CASP10: variants seen among roughly 807,000 people sequenced by gnomAD.
The protein encoded by CASP10 is caspase 10.
In CASP10, 41 loss-of-function variants were observed where a neutral mutation model predicts 48.5. The observed-to-expected ratio is 0.85, with a 90% CI of 0.66 to 1.10. CASP10 has a LOEUF of 1.10. Ranked by LOEUF, CASP10 falls within the 50% of genes least tolerant of loss-of-function variation. The pLI, the probability that CASP10 is intolerant of heterozygous loss-of-function variation, is 0.00. For missense variants in CASP10, 614 were observed against 614.5 expected (o/e 1.00, Z 0.01); for synonymous variants, 232 against 238.4 (o/e 0.97, Z 0.25).
At chr2:201,190,011 T>A (rs1240409254) in intron 3 of CASP10, among the ~76,000 whole-genome samples, 1 of 152,000 alleles carries the variant, frequency 6.6e-6, no homozygotes, top group Non-Finnish European at 1.5e-5. Flanking sequence ...AAAAAATAGT[T>A]CAATTGTCCC....
At chr2:201,222,979 G>A (rs1366254721), downstream of CASP10, among the ~76,000 whole-genome samples, 1 of 152,094 alleles carries the variant, frequency 6.6e-6, no homozygotes, top group Non-Finnish European at 1.5e-5. Flanking sequence ...GAATTCTTGG[G>A]CCCTTAGGTG....
At position 201,219,828 on chromosome 2, in the gene CASP10, CATTTATAG is replaced by C; in HGVS notation, c.*2090_*2097del. The C allele has an allele frequency of 2.0e-6, 2 of 983,358 alleles. No homozygotes were observed. The highest frequency in any genetic ancestry group is 2.4e-6 in the Non-Finnish European group (2 of 829,464). 60.9% of individuals were successfully genotyped at this position (983,358 alleles called of 1,614,324 possible). On this transcript the variant is annotated 3_prime_UTR_variant, in exon 10 of 10. Transcript: ENST00000286186. Reference sequence around the variant, plus strand: ...TCCAAAGTCCTGTGGTTAACGCCTTCATTTATAGATGAGGCAGCTGAGGCCTGGGGATG... The same window carrying C: ...TCCAAAGTCCTGTGGTTAACGCCTTCATGAGGCAGCTGAGGCCTGGGGATG...
chr2:201,196,474 T>C (rs1576091571), intron 5 of CASP10, among the ~76,000 whole-genome samples: 1 of 152,248 alleles, frequency 6.6e-6, no homozygotes, highest in Non-Finnish European at 1.5e-5. Flanking sequence ...TCTGAAAGGA[T>C]GGGTGGAAGG....
At chr2:201,194,669 AG>A (rs1486267132) in intron 4 of CASP10, among the ~76,000 whole-genome samples, 2 of 152,250 alleles carry the variant, frequency 1.3e-5, no homozygotes, top group Admixed American at 6.5e-5. Flanking sequence ...AAGTAAACAT[AG>A]GGCAAGTGGT....
Position 201,192,924 on chromosome 2 carries a change from C to A in CASP10, c.442-60C>A, listed in dbSNP as rs934088517. 9 of 1,563,768 alleles carry A rather than the reference C, an allele frequency of 5.8e-6. No individual in the cohort carries two copies. In the Admixed American group the frequency reaches 8.4e-5, roughly 15 times the overall value. ...TAGTGCCTACTGGCCATGCAGATAA[C>A]ATTTGAGTGAGTGGATAATCAATAG... On this transcript the variant is annotated intron_variant, in intron 3 of 9. Transcript: ENST00000286186.
intron 5 of CASP10, among the ~76,000 whole-genome samples, chr2:201,198,621 A>C (rs947182207): frequency 1.4e-5 from 2 of 146,756 alleles, no homozygotes; most frequent in Non-Finnish European, 3.0e-5. Context: ...GCTCACTGCA[A>C]GCTCCGCCTC....
In CASP10 at chr2:201,200,429, T is replaced by G. The variant is rs774954519; in HGVS notation, c.685-3301T>G. The G allele has an allele frequency of 8.8e-6, 14 of 1,598,050 alleles. No homozygotes were observed. The East Asian group carries it at 2.9e-4, about 33-fold the overall frequency. ...AGCATTCTACTGTAAAGAAGGACCC[T>G]CCTTTCTCCCCAGGAAGGTGTTTTT... On this transcript the variant is annotated intron_variant, in intron 5 of 9. Transcript: ENST00000286186.
intron 5 of CASP10, chr2:201,200,811 A>G: frequency 1.0e-6 from 1 of 997,064 alleles, no homozygotes; most frequent in Non-Finnish European, 1.2e-6. Flanking sequence ...TATTTATAAA[A>G]TCTTAAATTG....
At position 201,209,330 on chromosome 2, in the gene CASP10, C is replaced by T; in HGVS notation, c.1183C>T (p.Leu395Phe). Residue 395 changes from leucine to phenylalanine, a missense_variant, in exon 9 of 10, where the codon CTC (leucine) becomes TTC (phenylalanine). Leu to Phe is a conservative substitution (Grantham distance 22). Transcript: ENST00000286186. ...CCCTAGACTGGCTGAAAAACCTAAA[C>T]TCTTTTTCATCCAGGCCTGCCAAGG... The part of the protein sequence containing the change: ...QCPRLAEKPK[L>F]FFIQACQGEE... 6.2e-7 allele frequency: 1 copy of T among 1,614,178 alleles called. No individual in the cohort carries two copies. Among genetic ancestry groups the T allele is most frequent in the East Asian group, 2.2e-5 (1 of 44,870 alleles).
intron 5 of CASP10, chr2:201,200,626 G>A: frequency 6.9e-7 from 1 of 1,457,292 alleles, no homozygotes; most frequent in East Asian, 2.5e-5. Context: ...TCGGCAGGTG[G>A]AGGTATTTAG....
chr2:201,212,811 G>C (rs1327295649), intron 9 of CASP10: 1 of 152,172 alleles, frequency 6.6e-6, no homozygotes, highest in Non-Finnish European at 1.5e-5. Flanking sequence ...GTGATAAATA[G>C]TGCTACTAGA....
At chr2:201,202,141 G>T (rs1055128490) in intron 5 of CASP10, among the ~76,000 whole-genome samples, 1 of 152,170 alleles carries the variant, frequency 6.6e-6, no homozygotes, top group Non-Finnish European at 1.5e-5. Context: ...GTGAGCCACC[G>T]TACCCGGCCA....
At chr2:201,186,159 T>G in intron 2 of CASP10, 35 bp downstream of exon 2, 1 of 1,479,230 alleles carries the variant, frequency 6.8e-7, no homozygotes. Context: ...TGGGAGGATC[T>G]CCCATCTAGT....
chr2:201,194,376 A>G (rs1944716887), intron 4 of CASP10, among the ~76,000 whole-genome samples: 1 of 152,170 alleles, frequency 6.6e-6, no homozygotes, highest in South Asian at 2.1e-4. Flanking sequence ...TGAAAATGAA[A>G]CTAGCTAAGA....
downstream of CASP10, among the ~76,000 whole-genome samples, chr2:201,222,448 C>T (rs1429994896): frequency 6.6e-6 from 1 of 152,160 alleles, no homozygotes; most frequent in South Asian, 2.1e-4. Flanking sequence ...AACTCCTGAC[C>T]TCAAGTGATC....
At chr2:201,223,188 G>C (rs1394038257), downstream of CASP10, among the ~76,000 whole-genome samples, 1 of 152,170 alleles carries the variant, frequency 6.6e-6, no homozygotes, top group Admixed American at 6.5e-5. Context: ...CTTTATCTTG[G>C]ACCTTTTAAT....
rs886055415 is a variant in CASP10 at position 201,219,107 on chromosome 2, T to C, written c.*1366T>C. 1.7e-5 allele frequency: 8 copies of C among 483,822 alleles called. No homozygotes were observed. Among genetic ancestry groups the C allele is most frequent in the Non-Finnish European group, 2.2e-5 (8 of 371,982 alleles). 30.0% of individuals were successfully genotyped at this position (483,822 alleles called of 1,614,324 possible). ...CAATACGGCAAAACCTCATCATTAC[T>C]AAAAACACAAAAATTAGCCAGGTGT... On this transcript the variant is annotated 3_prime_UTR_variant, in exon 10 of 10. Coordinates refer to ENST00000286186, the MANE Select transcript of CASP10 (RefSeq NM_032977.4).
At chr2:201,199,165 G>T (rs866139104) in intron 5 of CASP10, among the ~76,000 whole-genome samples, 1 of 151,950 alleles carries the variant, frequency 6.6e-6, no homozygotes, top group Non-Finnish European at 1.5e-5. Flanking sequence ...AAATATTTTC[G>T]TGTGTATTTC....
chr2:201,194,195 C>A (rs926732592), intron 4 of CASP10, among the ~76,000 whole-genome samples: 1 of 151,804 alleles, frequency 6.6e-6, no homozygotes, highest in Non-Finnish European at 1.5e-5. Context: ...AAAAGTCAAA[C>A]CTGGCTGCCT....
Sources: allele counts gnomAD v4.1 joint callset (sites outside exome capture counted in the v4.1 genomes callset), GRCh38; gene constraint gnomAD v4.1.1; transcripts MANE v1.5; gene names NCBI Gene and HGNC (gene_info 2026-07-23, HGNC 2026-07-21).